FARS2: variants seen among roughly 807,000 people sequenced by gnomAD.
FARS2 encodes phenylalanyl-tRNA synthetase 2, mitochondrial, also known as phenylalanine--tRNA ligase, mitochondrial.
In FARS2, 40 loss-of-function variants were observed where a neutral mutation model predicts 46.4. The observed-to-expected ratio is 0.86, with a 90% CI of 0.67 to 1.12. The LOEUF (loss-of-function observed/expected upper bound fraction) is 1.12, where lower values mean the gene tolerates loss of function less well. Among genes scored for constraint, FARS2 ranks in the 50% most tolerant of loss-of-function variants. FARS2 has a pLI of 0.00. For missense variants in FARS2, 513 were observed against 567.9 expected, an observed-to-expected ratio of 0.90 and a Z score of 0.98; for synonymous variants, 234 against 214.9, an observed-to-expected ratio of 1.09 and a Z score of -0.78.
At chr6:5,579,134 G>A (rs1276344469) in intron 5 of FARS2, among the ~76,000 whole-genome samples, 2 of 152,134 alleles carry the variant, frequency 1.3e-5, no homozygotes, top group Non-Finnish European at 1.5e-5. Flanking sequence ...GTATATTAAG[G>A]CTTGTGTATA....
intron 6 of FARS2, among the ~76,000 whole-genome samples, chr6:5,707,606 C>T (rs1204543557): frequency 6.6e-6 from 1 of 152,190 alleles, no homozygotes; most frequent in African/African-American, 2.4e-5. Flanking sequence ...TCACATTTTC[C>T]AACACTAGTA....
chr6:5,659,956 G>A lies in FARS2; in HGVS notation c.1217+46636G>A, dbSNP rs979562593. On this transcript the variant is annotated intron_variant, in intron 6 of 6. Coordinates refer to ENST00000274680, the MANE Select transcript of FARS2 (RefSeq NM_006567.5). ...CATTTTAAAGTAGGTTGGGAAACCC[G>A]CTTTACTACCTTCCTCTCCCTTCCC... is the stretch of plus-strand genomic sequence containing the variant. 2.0e-5 allele frequency among the ~76,000 whole-genome samples: 3 copies of A among 152,214 alleles called. No homozygotes were observed. In the East Asian group the frequency reaches 5.8e-4, roughly 29 times the overall value.
chr6:5,695,477 T>A (rs1758043205), intron 6 of FARS2, among the ~76,000 whole-genome samples: 1 of 152,268 alleles, frequency 6.6e-6, no homozygotes, highest in African/African-American at 2.4e-5. Context: ...AAAGCCACCA[T>A]TTACTGAACA....
At chr6:5,707,552 G>A (rs1758834339) in intron 6 of FARS2, among the ~76,000 whole-genome samples, 1 of 152,200 alleles carries the variant, frequency 6.6e-6, no homozygotes. Context: ...AAGTCTGTAT[G>A]GGTCTAGTTT....
intron 4 of FARS2, among the ~76,000 whole-genome samples, chr6:5,444,120 TG>T (rs1763998932): frequency 1.3e-5 from 2 of 151,180 alleles, no homozygotes; most frequent in African/African-American, 2.4e-5. Flanking sequence ...TGTGTGTGTG[TG>T]TGTGTATGTG....
At chr6:5,449,410 A>G (rs935667101) in intron 4 of FARS2, among the ~76,000 whole-genome samples, 8 of 151,604 alleles carry the variant, frequency 5.3e-5, no homozygotes, top group African/African-American at 1.7e-4. Flanking sequence ...GATTTTTTAT[A>G]TATGTGTATA....
chr6:5,347,354 T>C (rs907586656), intron 1 of FARS2, among the ~76,000 whole-genome samples: 3 of 152,176 alleles, frequency 2.0e-5, no homozygotes, highest in Admixed American at 6.5e-5. Context: ...AAGTCGGTAT[T>C]GTTCTGATTT....
At chr6:5,304,323 CATT>C (rs1037495955) in intron 1 of FARS2, among the ~76,000 whole-genome samples, 1 of 152,154 alleles carries the variant, frequency 6.6e-6, no homozygotes, top group African/African-American at 2.4e-5. Flanking sequence ...GATGCCACAT[CATT>C]AATTATTTAA....
At chr6:5,290,660 T>G (rs772189272) in intron 1 of FARS2, among the ~76,000 whole-genome samples, 17 of 152,224 alleles carry the variant, frequency 1.1e-4, no homozygotes, top group Admixed American at 1.3e-4. Context: ...TTGGTAGTAT[T>G]TCCCTTTTAT....
At chr6:5,722,227 A>G (rs1759957935) in intron 6 of FARS2, among the ~76,000 whole-genome samples, 1 of 152,210 alleles carries the variant, frequency 6.6e-6, no homozygotes, top group South Asian at 2.1e-4. Context: ...GTGGCAATAC[A>G]GCGAAAAGGG....
intron 6 of FARS2, among the ~76,000 whole-genome samples, chr6:5,654,255 C>CA (rs1412520852): frequency 1.3e-5 from 2 of 152,176 alleles, no homozygotes; most frequent in East Asian, 3.9e-4. Flanking sequence ...CTTTCTGGAC[C>CA]ACCCTACTTG....
At chr6:5,713,103 T>C (rs1582815780) in intron 6 of FARS2, among the ~76,000 whole-genome samples, 1 of 152,328 alleles carries the variant, frequency 6.6e-6, no homozygotes, top group East Asian at 1.9e-4. Context: ...CAATTTGGCA[T>C]TATGGTGGAG....
chr6:5,747,270 G>A (rs1001261064), intron 6 of FARS2, among the ~76,000 whole-genome samples: 3 of 152,238 alleles, frequency 2.0e-5, no homozygotes, highest in African/African-American at 2.4e-5. Context: ...GTGGGAAGAC[G>A]CTAGAAGATT....
At chr6:5,750,657 T>C (rs1268759462) in intron 6 of FARS2, among the ~76,000 whole-genome samples, 1 of 152,000 alleles carries the variant, frequency 6.6e-6, no homozygotes, top group East Asian at 1.9e-4. Flanking sequence ...CAGCTCGCCA[T>C]GGTAGGGTTA....
At chr6:5,306,035 T>G (rs1768677909) in intron 1 of FARS2, among the ~76,000 whole-genome samples, 2 of 152,220 alleles carry the variant, frequency 1.3e-5, no homozygotes, top group Non-Finnish European at 1.5e-5. Flanking sequence ...GATTTGAGTG[T>G]GTATTTGATA....
chr6:5,396,173 A>G (rs1440395787), intron 2 of FARS2, among the ~76,000 whole-genome samples: 1 of 152,190 alleles, frequency 6.6e-6, no homozygotes, highest in Admixed American at 6.5e-5. Flanking sequence ...TTGCATGTAT[A>G]TTATGTTTAA....
chr6:5,506,971 A>AT (rs975138619), intron 4 of FARS2, among the ~76,000 whole-genome samples: 1 of 152,124 alleles, frequency 6.6e-6, no homozygotes, highest in African/African-American at 2.4e-5. Flanking sequence ...AATGGCTTTG[A>AT]TTTTTCAACA....
chr6:5,767,036 C>T (rs1383001512), intron 6 of FARS2, among the ~76,000 whole-genome samples: 4 of 151,600 alleles, frequency 2.6e-5, no homozygotes, highest in Non-Finnish European at 5.9e-5. Flanking sequence ...TGTGGATATA[C>T]CACATTTTGT....
intron 6 of FARS2, among the ~76,000 whole-genome samples, chr6:5,735,820 T>G (rs373268627): frequency 6.6e-6 from 1 of 152,204 alleles, no homozygotes; most frequent in Non-Finnish European, 1.5e-5. Flanking sequence ...TGGACCTGTC[T>G]GTGGCACCGT....
Sources: gnomAD v4.1 joint callset for allele counts (sites outside exome capture counted in the v4.1 genomes callset) on GRCh38, gnomAD v4.1.1 for gene constraint, MANE v1.5 for transcripts, NCBI Gene and HGNC (gene_info 2026-07-23, HGNC 2026-07-21) for gene names.